PIP5K1B: variants seen among roughly 807,000 people sequenced by gnomAD.
PIP5K1B encodes the protein phosphatidylinositol 4-phosphate 5-kinase type-1 beta.
A neutral mutation model predicts 67.0 loss-of-function variants in PIP5K1B; 42 were observed. The ratio of observed to expected loss-of-function variants is 0.63; its 90% CI spans 0.49 to 0.81. The LOEUF is 0.81. PIP5K1B is among the 30% of genes least tolerant of loss of function. The pLI, the probability that PIP5K1B is intolerant of heterozygous loss-of-function variation, is 0.00. For synonymous variants in PIP5K1B, 214 were observed against 231.4 expected (o/e 0.92, Z 0.68); for missense variants, 459 against 646.3 (o/e 0.71, Z 3.14).
chr9:68,809,322 A>G (rs866689618), intron 2 of PIP5K1B, among the ~76,000 whole-genome samples: 3 of 151,670 alleles, frequency 2.0e-5, no homozygotes, highest in Middle Eastern at 3.2e-3. Flanking sequence ...CCAAACCCAC[A>G]TTAAAAAAAA....
intron 14 of PIP5K1B, among the ~76,000 whole-genome samples, chr9:68,981,579 G>A (rs1034434705): frequency 6.6e-6 from 1 of 152,176 alleles, no homozygotes; most frequent in Non-Finnish European, 1.5e-5. Context: ...AATTGAGGCA[G>A]TGAGAGAATG....
At chr9:68,888,712 G>A (rs1177527681) in intron 6 of PIP5K1B, among the ~76,000 whole-genome samples, 1 of 152,170 alleles carries the variant, frequency 6.6e-6, no homozygotes, top group Non-Finnish European at 1.5e-5. Context: ...TCATTGGACT[G>A]ATAGGATGAT....
intron 1 of PIP5K1B, among the ~76,000 whole-genome samples, chr9:68,713,446 T>C (rs1340928954): frequency 6.6e-6 from 1 of 152,162 alleles, no homozygotes; most frequent in Non-Finnish European, 1.5e-5. Flanking sequence ...ACTCTATGGA[T>C]GGAGGACAGG....
chr9:68,804,627 T>A (rs1832771277), intron 2 of PIP5K1B, among the ~76,000 whole-genome samples: 1 of 150,606 alleles, frequency 6.6e-6, no homozygotes, highest in Non-Finnish European at 1.5e-5. Flanking sequence ...GGTCTCACTC[T>A]GTCATTCAGG....
At chr9:68,920,643 C>T (rs1826334591) in intron 11 of PIP5K1B, among the ~76,000 whole-genome samples, 1 of 151,994 alleles carries the variant, frequency 6.6e-6, no homozygotes, top group Admixed American at 6.6e-5. Context: ...GCAGGGATTA[C>T]AGATGTGAGC....
chr9:69,007,071 G>A lies in PIP5K1B; in HGVS notation c.1621-1376G>A, dbSNP rs867243181. Among the ~76,000 whole-genome samples the A allele has an allele frequency of 8.5e-5, 13 of 152,260 alleles. No homozygotes were observed. In the Middle Eastern group the frequency reaches 0.014, roughly 159 times the overall value. On this transcript the variant is annotated intron_variant, in intron 15 of 15. Transcript: ENST00000265382. Reference sequence around the variant, plus strand: ...CTACAGATTATTTTTGAGTAACAGCGTGACCATGTTGTGCATTTAGCCAAG... The same window carrying A: ...CTACAGATTATTTTTGAGTAACAGCATGACCATGTTGTGCATTTAGCCAAG...
At chr9:68,915,431 T>A (rs976491975) in intron 8 of PIP5K1B, among the ~76,000 whole-genome samples, 1 of 152,170 alleles carries the variant, frequency 6.6e-6, no homozygotes, top group African/African-American at 2.4e-5. Context: ...CTAATATCTG[T>A]TAGTGTTTTC....
chr9:68,785,345 C>T (rs990272119), intron 2 of PIP5K1B, among the ~76,000 whole-genome samples: 1 of 152,140 alleles, frequency 6.6e-6, no homozygotes, highest in African/African-American at 2.4e-5. Flanking sequence ...GTCTCTCACT[C>T]CAGCAGTTTT....
intron 2 of PIP5K1B, among the ~76,000 whole-genome samples, chr9:68,800,801 C>T (rs1052618107): frequency 2.0e-5 from 3 of 152,146 alleles, no homozygotes; most frequent in Non-Finnish European, 2.9e-5. Flanking sequence ...GTCATTCAAA[C>T]AAAGGTGTCC....
intron 5 of PIP5K1B, among the ~76,000 whole-genome samples, chr9:68,873,317 T>C (rs1288574248): frequency 1.4e-5 from 2 of 147,834 alleles, no homozygotes; most frequent in Non-Finnish European, 3.0e-5. Flanking sequence ...AGACAGGGTC[T>C]TGCTCTGTTG....
intron 2 of PIP5K1B, among the ~76,000 whole-genome samples, chr9:68,762,308 G>A (rs2132392889): frequency 6.6e-6 from 1 of 151,600 alleles, no homozygotes; most frequent in Admixed American, 6.6e-5. Flanking sequence ...TTTTCTCCCT[G>A]CTGAGCAGGT....
chr9:68,898,898 C>T (rs1825225032), intron 8 of PIP5K1B, among the ~76,000 whole-genome samples: 1 of 152,224 alleles, frequency 6.6e-6, no homozygotes, highest in Non-Finnish European at 1.5e-5. Context: ...TCCATCACAT[C>T]CCCACCACTG....
intron 14 of PIP5K1B, among the ~76,000 whole-genome samples, chr9:68,988,668 G>C (rs1292222063): frequency 1.3e-5 from 2 of 151,976 alleles, no homozygotes; most frequent in Non-Finnish European, 2.9e-5. Flanking sequence ...CCAGGCTGCT[G>C]TCGAACTTCT....
At chr9:68,770,698 T>A (rs1257328088) in intron 2 of PIP5K1B, among the ~76,000 whole-genome samples, 1 of 152,130 alleles carries the variant, frequency 6.6e-6, no homozygotes, top group African/African-American at 2.4e-5. Context: ...TCTAGGTTGC[T>A]CACTCCACAT....
chr9:68,917,808 G>A lies in PIP5K1B; in HGVS notation c.983+49G>A, dbSNP rs139828056. On this transcript the variant is annotated intron_variant, in intron 9 of 15. Transcript: ENST00000265382. ...CACCCTCTTGACTGTGGCAGCCCAC[G>A]TCACTGGGTAATTATAGACAGTCAC... 217 of 1,327,854 alleles carry A rather than the reference G, an allele frequency of 1.6e-4. No homozygotes were observed. The African/African-American group carries it at 2.7e-3, about 16-fold the overall frequency. 82.3% of individuals were successfully genotyped at this position (1,327,854 alleles called of 1,614,324 possible).
intron 2 of PIP5K1B, chr9:68,789,206 A>T (rs1209561959): frequency 3.8e-6 from 2 of 521,554 alleles, no homozygotes; most frequent in Admixed American, 2.4e-5. Context: ...GGTCACCCAC[A>T]TTGGTGCTTC....
intron 1 of PIP5K1B, among the ~76,000 whole-genome samples, chr9:68,733,826 G>A (rs1290205578): frequency 6.6e-6 from 1 of 151,842 alleles, no homozygotes; most frequent in Non-Finnish European, 1.5e-5. Context: ...TTTTAGTTGA[G>A]ACGGGGTTTC....
intron 6 of PIP5K1B, among the ~76,000 whole-genome samples, chr9:68,884,250 G>T (rs1824341940): frequency 6.6e-6 from 1 of 151,674 alleles, no homozygotes. Flanking sequence ...TAACGCATCA[G>T]GTAAAGGGTT....
chr9:68,844,383 C>T (rs769010919), intron 4 of PIP5K1B, among the ~76,000 whole-genome samples: 10 of 152,056 alleles, frequency 6.6e-5, no homozygotes, highest in Non-Finnish European at 1.2e-4. Context: ...AGGAAGCAGC[C>T]CTCTATTGAG....
Sources: gnomAD v4.1 joint callset for allele counts (sites outside exome capture counted in the v4.1 genomes callset) on GRCh38, gnomAD v4.1.1 for gene constraint, MANE v1.5 for transcripts, NCBI Gene and HGNC (gene_info 2026-07-23, HGNC 2026-07-21) for gene names.